The following FAM222B variants were observed in gnomAD, a reference collection of about 807,000 sequenced individuals.
The protein encoded by FAM222B is protein FAM222B.
Under a neutral mutation model 38.0 loss-of-function variants are expected in FAM222B, and 12 were observed. That is an observed-to-expected ratio of 0.32 (90% CI 0.20 to 0.51). FAM222B has a LOEUF of 0.51. Ranked by LOEUF, FAM222B falls within the 20% of genes least tolerant of loss-of-function variation. FAM222B has a pLI of 0.97. For missense variants in FAM222B, 716 were observed against 754.2 expected (o/e 0.95, Z 0.59); for synonymous variants, 329 against 317.2 (o/e 1.04, Z -0.40).
chr17:28,837,439 A>T (rs892356371), intron 1 of FAM222B, among the ~76,000 whole-genome samples: 8 of 151,636 alleles, frequency 5.3e-5, no homozygotes, highest in Non-Finnish European at 8.8e-5. Flanking sequence ...CAAAAAAAAA[A>T]AAAATAAATA....
intron 1 of FAM222B, among the ~76,000 whole-genome samples, chr17:28,816,941 A>G (rs1017721878): frequency 6.6e-6 from 1 of 152,186 alleles, no homozygotes; most frequent in African/African-American, 2.4e-5. Flanking sequence ...AGGGGAGTAT[A>G]AAAATCCAAA....
intron 1 of FAM222B, among the ~76,000 whole-genome samples, chr17:28,787,826 C>T (rs1256520543): frequency 1.8e-4 from 24 of 130,182 alleles, no homozygotes; most frequent in African/African-American, 3.0e-4. Flanking sequence ...ATAAAGTAGT[C>T]TTTTTTTTTT....
chr17:28,831,883 T>G (rs1002405499), intron 1 of FAM222B, among the ~76,000 whole-genome samples: 3 of 152,018 alleles, frequency 2.0e-5, no homozygotes, highest in Non-Finnish European at 4.4e-5. Context: ...CTTCCTAGAT[T>G]TACTTAAAGA....
At chr17:28,783,436 G>C (rs1394010450) in intron 1 of FAM222B, among the ~76,000 whole-genome samples, 1 of 151,964 alleles carries the variant, frequency 6.6e-6, no homozygotes, top group African/African-American at 2.4e-5. Context: ...TTGAATCCCA[G>C]CTCTTTGCAT....
rs2034828138 is a variant in FAM222B, at chr17:28,758,437, T to C, written c.1522A>G (p.Asn508Asp). 2 of 1,613,772 alleles carry C rather than the reference T, an allele frequency of 1.2e-6. No individual in the cohort carries two copies. Among genetic ancestry groups the C allele is most frequent in the Non-Finnish European group, 1.7e-6 (2 of 1,179,854 alleles). ...TAATCCACTGTTTGCATCAAGCTGT[T>C]CTGGCTTGCCACTGGACCGCCCCCG... ...GTGGGPVASQ[N>D]SLMQTVDYLS... Residue 508 changes from asparagine to aspartate, a missense_variant, in exon 3 of 3, where the codon AAC becomes GAC. Physicochemically the swap from Asn to Asp is conservative, Grantham distance 23. Coordinates refer to ENST00000581407, the MANE Select transcript of FAM222B (RefSeq NM_001077498.3).
intron 1 of FAM222B, among the ~76,000 whole-genome samples, chr17:28,791,834 A>AT (rs1168208857): frequency 2.0e-5 from 3 of 151,346 alleles, no homozygotes; most frequent in Non-Finnish European, 2.9e-5. Context: ...TAATTTTTGT[A>AT]TTTTTAGTAG....
chr17:28,790,884 C>CTTTTTTTTTTTTTTTTTTTT lies in FAM222B; in HGVS notation c.-40-24197_-40-24178dup, dbSNP rs60664262. 1.2e-4 allele frequency among the ~76,000 whole-genome samples: 10 copies of CTTTTTTTTTTTTTTTTTTTT among 86,058 alleles called. 2 individuals carry two copies. The highest frequency in any genetic ancestry group is 3.5e-4 in the East Asian group (1 of 2,856). The allele number at this position is 86,058 out of a possible 152,430, so 56.5% of individuals were successfully genotyped here. On this transcript the variant is annotated intron_variant, in intron 1 of 2. Coordinates refer to ENST00000581407, the MANE Select transcript of FAM222B (RefSeq NM_001077498.3). Reference sequence around the variant, plus strand: ...GTTCTATATATTTCAAATTGTTTCACTTTTTTTTTTTTTTTTTTTTTTTTT... The same window carrying CTTTTTTTTTTTTTTTTTTTT: ...GTTCTATATATTTCAAATTGTTTCACTTTTTTTTTTTTTTTTTTTTTTTTTTTTTTTTTTTTTTTTTTTTT...
chr17:28,793,321 T>C (rs927466930), intron 1 of FAM222B, among the ~76,000 whole-genome samples: 4 of 152,176 alleles, frequency 2.6e-5, no homozygotes, highest in African/African-American at 7.2e-5. Context: ...AACTCTCTTA[T>C]ATTTTAAAAG....
intron 1 of FAM222B, among the ~76,000 whole-genome samples, chr17:28,791,876 T>C (rs1202042051): frequency 6.6e-6 from 1 of 150,744 alleles, no homozygotes; most frequent in African/African-American, 2.4e-5. Context: ...GCTAGGCTAG[T>C]CTCCTACTCC....
intron 1 of FAM222B, among the ~76,000 whole-genome samples, chr17:28,800,598 C>G (rs907362580): frequency 3.3e-5 from 5 of 152,028 alleles, no homozygotes; most frequent in Non-Finnish European, 7.4e-5. Context: ...GAAAAAGCTG[C>G]CTTTTCCAAC....
chr17:28,784,092 C>T (rs1316853575), intron 1 of FAM222B, among the ~76,000 whole-genome samples: 1 of 152,052 alleles, frequency 6.6e-6, no homozygotes, highest in East Asian at 1.9e-4. Flanking sequence ...GAGCCACCAC[C>T]ACACCTGGCC....
intron 1 of FAM222B, among the ~76,000 whole-genome samples, chr17:28,825,018 C>G (rs983121905): frequency 1.3e-5 from 2 of 152,014 alleles, no homozygotes; most frequent in African/African-American, 4.8e-5. Context: ...CCCGCCTTGG[C>G]CTCCCAAAGT....
intron 1 of FAM222B, among the ~76,000 whole-genome samples, chr17:28,768,272 G>C (rs2035437405): frequency 1.3e-5 from 2 of 152,144 alleles, no homozygotes. Flanking sequence ...TTATTTTCTT[G>C]AGAGGGCTCT....
intron 1 of FAM222B, chr17:28,834,916 G>A (rs951511925): frequency 1.0e-4 from 15 of 149,976 alleles, no homozygotes; most frequent in African/African-American, 3.0e-4. Flanking sequence ...GTGCAATGGC[G>A]TGACCTCAGC....
At chr17:28,799,052 G>A (rs1055290485) in intron 1 of FAM222B, among the ~76,000 whole-genome samples, 8 of 151,002 alleles carry the variant, frequency 5.3e-5, no homozygotes, top group African/African-American at 1.9e-4. Context: ...TCGGCTCACT[G>A]CAACCTCCGC....
chr17:28,786,468 C>A (rs539509389), intron 1 of FAM222B, among the ~76,000 whole-genome samples: 1 of 152,298 alleles, frequency 6.6e-6, no homozygotes, highest in Non-Finnish European at 1.5e-5. Context: ...AGTTACCTCT[C>A]ATTCTCAAGC....
chr17:28,815,435 C>T (rs558829201), intron 1 of FAM222B, among the ~76,000 whole-genome samples: 189 of 151,888 alleles, frequency 1.2e-3, no homozygotes, highest in Non-Finnish European at 2.1e-3. Context: ...AGGATGATCT[C>T]GATCTCTTGA....
intron 1 of FAM222B, among the ~76,000 whole-genome samples, chr17:28,788,802 T>C (rs147028968): frequency 2.0e-4 from 31 of 152,152 alleles, no homozygotes; most frequent in African/African-American, 6.3e-4. Flanking sequence ...AGCGCAGTGA[T>C]GCAATATTGG....
chr17:28,768,040 C>T (rs2035425101), intron 1 of FAM222B, among the ~76,000 whole-genome samples: 1 of 152,176 alleles, frequency 6.6e-6, no homozygotes, highest in Admixed American at 6.6e-5. Context: ...ACCAACCAGA[C>T]ATACACAGCC....
Sources: gnomAD v4.1 joint callset for allele counts (sites outside exome capture counted in the v4.1 genomes callset) on GRCh38, gnomAD v4.1.1 for gene constraint, MANE v1.5 for transcripts, NCBI Gene and HGNC (gene_info 2026-07-23, HGNC 2026-07-21) for gene names.